The following CRYM variants were observed in gnomAD, a reference collection of about 807,000 sequenced individuals.
CRYM encodes ketimine reductase mu-crystallin.
A neutral mutation model predicts 32.9 loss-of-function variants in CRYM; 18 were observed. The ratio of observed to expected loss-of-function variants is 0.55; its 90% CI spans 0.38 to 0.81. The LOEUF (loss-of-function observed/expected upper bound fraction) is 0.81. Ranked by LOEUF, CRYM falls within the 30% of genes least tolerant of loss-of-function variation. The probability of loss-of-function intolerance (pLI) is 0.00; values close to 1 mark genes in which losing one functional copy is unlikely to be tolerated. For synonymous variants in CRYM, 153 were observed against 152.4 expected, an observed-to-expected ratio of 1.00 and a Z score of -0.03; for missense variants, 337 against 393.5, an observed-to-expected ratio of 0.86 and a Z score of 1.21.
At position 21,267,645 on chromosome 16, in the gene CRYM, AG is replaced by A. The variant is rs1416692604; in HGVS notation, c.581del (p.Ala194ValfsTer7). ...EVRVCSSVQE[A>X]VAGADVIITV... ...TGATGATCACATCTGCACCTGCCACAGCCTCCTGGACCGAAGAACAGACCCG... is the reference window on the plus strand; with the variant it reads ...TGATGATCACATCTGCACCTGCCACACCTCCTGGACCGAAGAACAGACCCG... On this transcript the variant is annotated frameshift_variant, in exon 5 of 8. Coordinates refer to ENST00000572914, the MANE Select transcript of CRYM (RefSeq NM_001376256.1). LOFTEE classifies it high-confidence loss of function. 1.2e-6 allele frequency: 2 copies of A among 1,614,204 alleles called. No homozygotes were observed. Among genetic ancestry groups the A allele is most frequent in the Admixed American group, 3.3e-5 (2 of 60,028 alleles).
chr16:21,261,352 A>G lies in CRYM; in HGVS notation c.796-14T>C, dbSNP rs375977998. ...AAAGATCTCGGCCTAGGAAACAAAC[A>G]TACGCTGACCCAGGCATGAAGCTAA... On this transcript the variant is annotated splice_polypyrimidine_tract_variant and intron_variant, in intron 6 of 7. Coordinates refer to ENST00000572914, the MANE Select transcript of CRYM (RefSeq NM_001376256.1). The G allele has an allele frequency of 3.1e-5, 50 of 1,610,908 alleles. No homozygotes were observed. Among genetic ancestry groups the G allele is most frequent in the Middle Eastern group, 3.3e-4 (2 of 6,054 alleles).
chr16:21,265,848 G>C (rs2093362820), intron 5 of CRYM, among the ~76,000 whole-genome samples: 1 of 152,208 alleles, frequency 6.6e-6, no homozygotes, highest in Non-Finnish European at 1.5e-5. Flanking sequence ...CTTCCTGTTG[G>C]AAGGCAATCA....
At chr16:21,266,242 A>ACAAACAAT (rs1483307784) in intron 5 of CRYM, among the ~76,000 whole-genome samples, 2 of 152,020 alleles carry the variant, frequency 1.3e-5, no homozygotes, top group Non-Finnish European at 2.9e-5. Context: ...AAACAAACAA[A>ACAAACAAT]CAAACAAAAA....
At position 21,267,667 on chromosome 16, in the gene CRYM, A is replaced by T; in HGVS notation, c.560T>A (p.Val187Asp). 6.2e-7 allele frequency: 1 copy of T among 1,614,140 alleles called. No homozygotes were observed. The highest frequency in any genetic ancestry group is 1.1e-5 in the South Asian group (1 of 91,074). Reference protein sequence around the residue: ...FADTVQGEVRVCSSVQEAVAG... With the variant: ...FADTVQGEVRDCSSVQEAVAG... ...CACAGCCTCCTGGACCGAAGAACAGACCCGTACCTCTCCTTGCACTGTGTC... is the reference window on the plus strand; with the variant it reads ...CACAGCCTCCTGGACCGAAGAACAGTCCCGTACCTCTCCTTGCACTGTGTC... Residue 187 changes from valine to aspartate, a missense_variant, in exon 5 of 8, where the codon GTC becomes GAC. Val to Asp is a radical substitution (Grantham distance 152). Transcript: ENST00000572914.
intron 1 of CRYM, among the ~76,000 whole-genome samples, chr16:21,302,690 G>A (rs750987398): frequency 6.6e-5 from 10 of 152,180 alleles, no homozygotes; most frequent in Non-Finnish European, 1.2e-4. Context: ...TGGCTCTCAG[G>A]GAAGTTAGGC....
chr16:21,285,982 G>T lies in CRYM; in HGVS notation c.-192-7022C>A, dbSNP rs988675994. On this transcript the variant is annotated intron_variant, in intron 1 of 9. Transcript: ENST00000219599. Reference sequence around the variant, plus strand: ...TTGATGTTGGGTTAGCAACCCTCATGAATGCATCAGGTTTTTTATTAGAGC... The same window carrying T: ...TTGATGTTGGGTTAGCAACCCTCATTAATGCATCAGGTTTTTTATTAGAGC... 2.0e-5 allele frequency among the ~76,000 whole-genome samples: 3 copies of T among 152,124 alleles called. No homozygotes were observed. In the East Asian group the frequency reaches 5.8e-4, roughly 29 times the overall value.
Position 21,258,842 on chromosome 16 carries a change from A to G in CRYM, c.884T>C (p.Met295Thr), listed in dbSNP as rs772536686. ...EKTTVFKSLG[M>T]AVEDTVAAKL... ...GGCTGCAACTGTGTCTTCCACTGCC[A>G]TTCCTAGAATAGACAGAAATTTGGT... The change falls in exon 8 of 8, where the codon ATG (methionine) becomes ACG (threonine). Residue 295 changes from methionine (M) to threonine (T), a missense_variant. By Grantham distance (81) the Met-to-Thr change is moderately conservative. Coordinates refer to ENST00000572914, the MANE Select transcript of CRYM (RefSeq NM_001376256.1). The G allele has an allele frequency of 3.7e-6, 6 of 1,614,120 alleles. No individual in the cohort carries two copies. The highest frequency in any genetic ancestry group is 5.1e-6 in the Non-Finnish European group (6 of 1,179,990).
At chr16:21,269,656 G>A (rs1367611381) in intron 4 of CRYM, 134 bp downstream of exon 4, 2 of 650,486 alleles carry the variant, frequency 3.1e-6, no homozygotes, top group Non-Finnish European at 5.4e-6. Flanking sequence ...GGGAAGTCAT[G>A]AAGATACAAG....
At chr16:21,267,799 G>A (rs2093367343) in intron 4 of CRYM, 62 bp from the exon 5 acceptor site, 1 of 1,548,572 alleles carries the variant, frequency 6.5e-7, no homozygotes, top group Admixed American at 1.7e-5. Context: ...GTTACACTGA[G>A]CCCAGGGATG....
intron 1 of CRYM, among the ~76,000 whole-genome samples, chr16:21,293,463 C>T (rs1265069056): frequency 6.6e-6 from 1 of 151,972 alleles, no homozygotes; most frequent in African/African-American, 2.4e-5. Flanking sequence ...CTGGGAAATA[C>T]TGAAAAAAAT....
intron 3 of CRYM, among the ~76,000 whole-genome samples, chr16:21,272,344 T>C (rs1214370628): frequency 6.6e-6 from 1 of 152,158 alleles, no homozygotes; most frequent in African/African-American, 2.4e-5. Flanking sequence ...CCCTCCTATC[T>C]CTAAAGCTGT....
intron 5 of CRYM, among the ~76,000 whole-genome samples, chr16:21,264,096 C>T (rs1567231659): frequency 6.6e-6 from 1 of 152,222 alleles, no homozygotes; most frequent in Non-Finnish European, 1.5e-5. Flanking sequence ...CATTTATATG[C>T]CTTCTTCCAC....
intron 2 of CRYM, among the ~76,000 whole-genome samples, chr16:21,276,214 C>CA (rs1485475876): frequency 2.0e-5 from 3 of 152,120 alleles, no homozygotes; most frequent in Non-Finnish European, 2.9e-5. Context: ...AGCTGATCAT[C>CA]AAAAAATAGG....
At chr16:21,259,708 T>C (rs748655189) in intron 7 of CRYM, among the ~76,000 whole-genome samples, 2 of 152,248 alleles carry the variant, frequency 1.3e-5, no homozygotes, top group African/African-American at 4.8e-5. Context: ...GCCCCAGGAC[T>C]GTAGTTTTCT....
At chr16:21,301,605 G>A (rs1399478589) in intron 1 of CRYM, among the ~76,000 whole-genome samples, 1 of 152,242 alleles carries the variant, frequency 6.6e-6, no homozygotes, top group Non-Finnish European at 1.5e-5. Flanking sequence ...GTGGGCGCAC[G>A]TGCGGAAGAG....
chr16:21,288,087 TG>T (rs1412798401), intron 1 of CRYM, among the ~76,000 whole-genome samples: 1 of 152,194 alleles, frequency 6.6e-6, no homozygotes, highest in East Asian at 1.9e-4. Flanking sequence ...GAAAATACTT[TG>T]TAGTGCTAGA....
chr16:21,294,195 T>C (rs1180217779), intron 1 of CRYM, among the ~76,000 whole-genome samples: 1 of 152,204 alleles, frequency 6.6e-6, no homozygotes, highest in African/African-American at 2.4e-5. Context: ...AGTTTTGTGA[T>C]GATTTTACAC....
intron 1 of CRYM, among the ~76,000 whole-genome samples, chr16:21,289,821 C>G (rs187194524): frequency 8.6e-5 from 13 of 151,776 alleles, no homozygotes; most frequent in African/African-American, 2.9e-4. Flanking sequence ...TACAGAGTGC[C>G]GATTGGTCCA....
chr16:21,296,936 G>A lies in CRYM; in HGVS notation c.-193+6042C>T, dbSNP rs182913402. Reference sequence around the variant, plus strand: ...AGGCAGGAGAATGGTGTGAACCTGGGAGGTGGAGCTTGCAGTGAGCCGAGA... The same window carrying A: ...AGGCAGGAGAATGGTGTGAACCTGGAAGGTGGAGCTTGCAGTGAGCCGAGA... On this transcript the variant is annotated intron_variant, in intron 1 of 9. Transcript: ENST00000219599. 4.0e-3 allele frequency among the ~76,000 whole-genome samples: 615 copies of A among 152,008 alleles called. 3 individuals carry two copies. The highest frequency in any genetic ancestry group is 6.9e-3 in the Middle Eastern group (2 of 290).
Sources: allele counts gnomAD v4.1 joint callset (sites outside exome capture counted in the v4.1 genomes callset), GRCh38; gene constraint gnomAD v4.1.1; transcripts MANE v1.5; gene names NCBI Gene and HGNC (gene_info 2026-07-23, HGNC 2026-07-21).